The following ANKIB1 variants were observed in gnomAD, a reference collection of about 807,000 sequenced individuals.
ANKIB1 encodes ankyrin repeat and IBR domain-containing protein 1.
ANKIB1 carries 43 observed loss-of-function variants against 122.1 expected under a neutral mutation model. The ratio of observed to expected loss-of-function variants is 0.35; its 90% CI spans 0.28 to 0.45. The LOEUF is 0.45. Ranked by LOEUF, ANKIB1 falls within the 20% of genes least tolerant of loss-of-function variation. ANKIB1 has a pLI of 1.00. For synonymous variants in ANKIB1, 390 were observed against 442.0 expected (o/e 0.88, Z 1.48); for missense variants, 992 against 1,329.5 (o/e 0.75, Z 3.95).
At chr7:92,390,632 T>C (rs1007413221) in intron 15 of ANKIB1, among the ~76,000 whole-genome samples, 25 of 152,230 alleles carry the variant, frequency 1.6e-4, no homozygotes, top group Non-Finnish European at 4.4e-5. Context: ...TGTTACAGTT[T>C]TCATGTCATC....
At chr7:92,322,034 A>T (rs1486930856) in intron 4 of ANKIB1, among the ~76,000 whole-genome samples, 1 of 152,160 alleles carries the variant, frequency 6.6e-6, no homozygotes, top group East Asian at 1.9e-4. Flanking sequence ...AAGTGAGCTG[A>T]ACTTGATTCT....
chr7:92,338,967 TA>T (rs1237623862), intron 5 of ANKIB1, among the ~76,000 whole-genome samples: 1 of 96,938 alleles, frequency 1.0e-5, no homozygotes, highest in East Asian at 4.7e-4. Context: ...TATATATATA[TA>T]TATTTATATG....
intron 10 of ANKIB1, among the ~76,000 whole-genome samples, chr7:92,368,538 G>A (rs923501673): frequency 6.6e-6 from 1 of 151,976 alleles, no homozygotes; most frequent in African/African-American, 2.4e-5. Flanking sequence ...TCAACATGGT[G>A]AAACCCCGTC....
intron 1 of ANKIB1, among the ~76,000 whole-genome samples, chr7:92,282,895 A>T (rs1008515206): frequency 6.6e-6 from 1 of 152,242 alleles, no homozygotes; most frequent in Admixed American, 6.5e-5. Context: ...GTCATGTTTC[A>T]TACAGTAGTT....
At chr7:92,391,678 A>T (rs1804787674) in intron 16 of ANKIB1, among the ~76,000 whole-genome samples, 1 of 152,174 alleles carries the variant, frequency 6.6e-6, no homozygotes, top group Non-Finnish European at 1.5e-5. Flanking sequence ...AGTTATAAAC[A>T]TCTTACGATG....
At chr7:92,345,221 ATT>A (rs1018287480) in intron 7 of ANKIB1, among the ~76,000 whole-genome samples, 155 bp downstream of exon 7, 3 of 152,172 alleles carry the variant, frequency 2.0e-5, no homozygotes, top group African/African-American at 7.2e-5. Context: ...AAGGAAAAAT[ATT>A]TTTGTTTTTA....
At chr7:92,346,344 T>G (rs904955993) in intron 7 of ANKIB1, among the ~76,000 whole-genome samples, 59 of 152,190 alleles carry the variant, frequency 3.9e-4, no homozygotes, top group Admixed American at 3.2e-3. Flanking sequence ...TTGGTCAATC[T>G]GGTCTCGAAC....
intron 4 of ANKIB1, among the ~76,000 whole-genome samples, chr7:92,322,222 G>GT (rs1296616470): frequency 2.0e-5 from 3 of 152,116 alleles, no homozygotes; most frequent in East Asian, 3.9e-4. Flanking sequence ...AAGACATTTA[G>GT]TTTTTTCCCC....
intron 1 of ANKIB1, among the ~76,000 whole-genome samples, chr7:92,284,051 G>C (rs944574966): frequency 4.6e-5 from 7 of 152,200 alleles, no homozygotes; most frequent in African/African-American, 1.4e-4. Context: ...TTACAGACAT[G>C]AGCCACTGCA....
chr7:92,265,869 A>AT, intron 1 of ANKIB1, among the ~76,000 whole-genome samples: 1 of 152,334 alleles, frequency 6.6e-6, no homozygotes, highest in East Asian at 1.9e-4. Flanking sequence ...CTAGTACAAG[A>AT]TGTCAAGTAG....
intron 10 of ANKIB1, among the ~76,000 whole-genome samples, chr7:92,368,116 A>G (rs542924627): frequency 2.0e-5 from 3 of 152,234 alleles, no homozygotes; most frequent in African/African-American, 7.2e-5. Flanking sequence ...TGATTGCACC[A>G]CTGCATTCCA....
intron 14 of ANKIB1, among the ~76,000 whole-genome samples, chr7:92,388,388 G>T (rs73230450): frequency 6.6e-6 from 1 of 152,330 alleles, no homozygotes; most frequent in African/African-American, 2.4e-5. Flanking sequence ...CAAGATACAC[G>T]TGCTACCCAA....
At chr7:92,397,378 C>T (rs1804921213) in intron 18 of ANKIB1, among the ~76,000 whole-genome samples, 2 of 151,524 alleles carry the variant, frequency 1.3e-5, no homozygotes, top group African/African-American at 4.9e-5. Flanking sequence ...CCCAACCACT[C>T]GAGAGGCTGA....
intron 5 of ANKIB1, among the ~76,000 whole-genome samples, chr7:92,329,370 A>G (rs1018896711): frequency 1.3e-5 from 2 of 152,170 alleles, no homozygotes; most frequent in Non-Finnish European, 2.9e-5. Flanking sequence ...TGCCTGGGAA[A>G]CTAAATGGAG....
chr7:92,352,718 C>A, intron 9 of ANKIB1, 76 bp downstream of exon 9: 1 of 1,432,504 alleles, frequency 7.0e-7, no homozygotes, highest in South Asian at 1.4e-5. Flanking sequence ...CACCTTGAGT[C>A]AGGCCTTTAA....
chr7:92,320,519 A>T (rs1802883835), intron 4 of ANKIB1, among the ~76,000 whole-genome samples: 1 of 152,196 alleles, frequency 6.6e-6, no homozygotes, highest in Non-Finnish European at 1.5e-5. Flanking sequence ...GTCTCAATAA[A>T]TATTACCTCT....
chr7:92,311,739 C>G (rs746990975), intron 3 of ANKIB1, among the ~76,000 whole-genome samples: 36 of 150,118 alleles, frequency 2.4e-4, no homozygotes, highest in Non-Finnish European at 4.2e-4. Flanking sequence ...CACACACACA[C>G]AGAACATAAA....
intron 11 of ANKIB1, among the ~76,000 whole-genome samples, chr7:92,373,437 A>G (rs761542462): frequency 2.0e-5 from 3 of 152,162 alleles, no homozygotes; most frequent in Non-Finnish European, 4.4e-5. Context: ...TCTGGCTGCT[A>G]ATATAAGGTA....
intron 1 of ANKIB1, among the ~76,000 whole-genome samples, chr7:92,287,716 ATAAAT>A (rs1314489111): frequency 6.6e-6 from 1 of 152,198 alleles, no homozygotes; most frequent in Non-Finnish European, 1.5e-5. Flanking sequence ...GGCAAGAAAA[ATAAAT>A]TGAAGACTTG....
Sources: allele counts gnomAD v4.1 joint callset (sites outside exome capture counted in the v4.1 genomes callset), GRCh38; gene constraint gnomAD v4.1.1; transcripts MANE v1.5; gene names NCBI Gene and HGNC (gene_info 2026-07-23, HGNC 2026-07-21).